The following MED28 variants were observed in gnomAD, a reference collection of about 807,000 sequenced individuals.
The protein encoded by MED28 is mediator of RNA polymerase II transcription subunit 28.
MED28 carries 26 observed loss-of-function variants against 21.3 expected under a neutral mutation model. The ratio of observed to expected loss-of-function variants is 1.22; its 90% confidence interval spans 0.89 to 1.69. The LOEUF (loss-of-function observed/expected upper bound fraction) is 1.69, where lower values mean the gene tolerates loss of function less well. Ranked by LOEUF, MED28 falls within the 40% of genes most tolerant of loss-of-function variation. The pLI, the probability that MED28 is intolerant of heterozygous loss-of-function variation, is 0.00. For missense variants in MED28, 257 were observed against 215.4 expected, an observed-to-expected ratio of 1.19 and a Z score of -1.21; for synonymous variants, 110 against 87.6, an observed-to-expected ratio of 1.26 and a Z score of -1.43.
rs1714694828 is a variant in MED28 at position 17,623,629 on chromosome 4, A to G, written c.368A>G (p.Gln123Arg). 1 of 1,614,198 alleles carries G rather than the reference A, an allele frequency of 6.2e-7. No homozygotes were observed. The highest frequency in any genetic ancestry group is 2.2e-5 in the East Asian group (1 of 44,884). ...GTGTCAGAACTAAGGAATGAATTAC[A>G]GCGGAAAGATGCACTAGTCCAGAAG... The part of the protein sequence containing the change: ...EDVSELRNEL[Q>R]RKDALVQKHL... The change falls in exon 4 of 4, where the codon CAG becomes CGG. Residue 123 changes from glutamine to arginine, a missense_variant. Transcript: ENST00000237380.
chr4:17,622,292 C>G (rs1480450673), intron 3 of MED28, among the ~76,000 whole-genome samples: 1 of 152,176 alleles, frequency 6.6e-6, no homozygotes, highest in African/African-American at 2.4e-5. Context: ...GCAATGCCCT[C>G]AGTGAGAAAC....
Position 17,632,471 on chromosome 4 carries a change from A to G in MED28, c.*8673A>G, listed in dbSNP as rs976140750. 7.7e-5 allele frequency: 104 copies of G among 1,350,996 alleles called. No individual in the cohort carries two copies. The African/African-American group carries it at 1.1e-3, about 14-fold the overall frequency. The allele number at this position is 1,350,996 out of a possible 1,614,324, so 83.7% of individuals were successfully genotyped here. A position where few individuals can be genotyped will look rare whatever the true frequency, so the allele number is the denominator to read the frequency against. Reference sequence around the variant, plus strand: ...TGGTTGGTGTTAGTTCATTCCTTCAATCGGATGATTTAAAATAAATGTTTT... The same window carrying G: ...TGGTTGGTGTTAGTTCATTCCTTCAGTCGGATGATTTAAAATAAATGTTTT... On this transcript the variant is annotated 3_prime_UTR_variant, in exon 4 of 4. Coordinates refer to ENST00000237380, the MANE Select transcript of MED28 (RefSeq NM_025205.5).
intron 2 of MED28, among the ~76,000 whole-genome samples, chr4:17,621,335 T>C (rs1272924757): frequency 6.6e-6 from 1 of 152,100 alleles, no homozygotes; most frequent in Non-Finnish European, 1.5e-5. Context: ...AAAGAAGATC[T>C]CATGGCTTTT....
At position 17,624,183 on chromosome 4, in the gene MED28, A is replaced by G. The variant is rs973048124; in HGVS notation, c.*385A>G. 1 of 221,752 alleles carries G rather than the reference A, an allele frequency of 4.5e-6. No individual in the cohort carries two copies. The highest frequency in any genetic ancestry group is 2.3e-5 in the African/African-American group (1 of 43,698). The allele number at this position is 221,752 out of a possible 1,614,324, so 13.7% of individuals were successfully genotyped here. A position where few individuals can be genotyped will look rare whatever the true frequency, so the allele number is the denominator to read the frequency against. On this transcript the variant is annotated 3_prime_UTR_variant, in exon 4 of 4. Coordinates refer to ENST00000237380, the MANE Select transcript of MED28 (RefSeq NM_025205.5). ...AGTATAGTAGCCTGAGAATCAGGAG[A>G]TGGGAGTTTTAGTCGTAGGCCTTAT...
intron 1 of MED28, among the ~76,000 whole-genome samples, chr4:17,618,362 C>T (rs990808444): frequency 3.3e-5 from 5 of 152,072 alleles, no homozygotes; most frequent in Admixed American, 1.3e-4. Flanking sequence ...ATGAGATTTC[C>T]TGCCACCCTG....
rs1560155483 is a variant in MED28 at position 17,614,678 on chromosome 4, G to GT, written c.28dup (p.Ser10PhefsTer29). On this transcript the variant is annotated frameshift_variant, in exon 1 of 4. Transcript: ENST00000237380. LOFTEE classifies it high-confidence loss of function. ...ACATGGCGGCTCCACTAGGGGGTAT[G>GT]TTTTCTGGGCAGCCACCCGGTCCCC... 1 of 1,613,088 alleles carries GT rather than the reference G, an allele frequency of 6.2e-7. No homozygotes were observed. Among genetic ancestry groups the GT allele is most frequent in the Non-Finnish European group, 8.5e-7 (1 of 1,179,790 alleles).
rs189809580 is a variant in MED28 at position 17,632,650 on chromosome 4, A to G, written c.*8852A>G. ...CCTAAAAGCAAAAAAAGGTTTTTTT[A>G]TATGGTTTTGAAAACTATGCAAGAA... On this transcript the variant is annotated 3_prime_UTR_variant, in exon 4 of 4. Coordinates refer to ENST00000237380, the MANE Select transcript of MED28 (RefSeq NM_025205.5). 1.7e-4 allele frequency: 252 copies of G among 1,480,396 alleles called. 4 individuals carry two copies. In the Middle Eastern group the frequency reaches 2.1e-3, roughly 12 times the overall value. The allele number at this position is 1,480,396 out of a possible 1,614,324, so 91.7% of individuals were successfully genotyped here.
In MED28 at chr4:17,632,376, A is replaced by G. The variant is rs1714978714; in HGVS notation, c.*8578A>G. On this transcript the variant is annotated 3_prime_UTR_variant, in exon 4 of 4. Coordinates refer to ENST00000237380, the MANE Select transcript of MED28 (RefSeq NM_025205.5). Reference sequence around the variant, plus strand: ...AGGCGTGAGCTGCTGTGCCTGGCAGAACAGTATGAAGTGTTAACGCCAAAA... The same window carrying G: ...AGGCGTGAGCTGCTGTGCCTGGCAGGACAGTATGAAGTGTTAACGCCAAAA... 1.8e-6 allele frequency: 1 copy of G among 548,986 alleles called. No homozygotes were observed. The highest frequency in any genetic ancestry group is 2.2e-5 in the South Asian group (1 of 44,512). The allele number at this position is 548,986 out of a possible 1,614,324, so 34.0% of individuals were successfully genotyped here. A position where few individuals can be genotyped will look rare whatever the true frequency, so the allele number is the denominator to read the frequency against.
chr4:17,628,280 G>GTGTGTGTGTGTGTGTGTA lies in MED28; in HGVS notation c.*4493_*4494insGTGTGTATGTGTGTGTGT, dbSNP rs1410894997. ...CGTGTGTGTGTGTGTGTGTGTGTGT[G>GTGTGTGTGTGTGTGTGTA]TGTGTGTGTGTATGTGTATATGCGT... On this transcript the variant is annotated 3_prime_UTR_variant, in exon 4 of 4. Transcript: ENST00000237380. The GTGTGTGTGTGTGTGTGTA allele has an allele frequency of 2.6e-5, 4 of 151,350 alleles. No homozygotes were observed. The highest frequency in any genetic ancestry group is 9.8e-5 in the African/African-American group (4 of 40,686). The allele number at this position is 151,350 out of a possible 1,614,324, so 9.4% of individuals were successfully genotyped here. A position where few individuals can be genotyped will look rare whatever the true frequency, so the allele number is the denominator to read the frequency against.
At position 17,624,413 on chromosome 4, in the gene MED28, A is replaced by G. The variant is rs1416834192; in HGVS notation, c.*615A>G. The G allele has an allele frequency of 6.6e-6, 1 of 152,104 alleles. No homozygotes were observed. Among genetic ancestry groups the G allele is most frequent in the Non-Finnish European group, 1.5e-5 (1 of 68,242 alleles). 9.4% of individuals were successfully genotyped at this position (152,104 alleles called of 1,614,324 possible). A position where few individuals can be genotyped will look rare whatever the true frequency, so the allele number is the denominator to read the frequency against. ...ATCTTACAGTAGGATCCTTAGGTTGATGCTGACTTCTGTTTGGGGTATGTT... is the reference window on the plus strand; with the variant it reads ...ATCTTACAGTAGGATCCTTAGGTTGGTGCTGACTTCTGTTTGGGGTATGTT... On this transcript the variant is annotated 3_prime_UTR_variant, in exon 4 of 4. Coordinates refer to ENST00000237380, the MANE Select transcript of MED28 (RefSeq NM_025205.5).
chr4:17,615,625 C>T (rs904989731), intron 1 of MED28, among the ~76,000 whole-genome samples: 1 of 152,104 alleles, frequency 6.6e-6, no homozygotes, highest in Non-Finnish European at 1.5e-5. Flanking sequence ...GCCTGACCAA[C>T]ATGGTGAAAC....
At position 17,633,533 on chromosome 4, in the gene MED28, C is replaced by G; in HGVS notation, c.*9735C>G. 1 of 644,786 alleles carries G rather than the reference C, an allele frequency of 1.6e-6. No homozygotes were observed. Among genetic ancestry groups the G allele is most frequent in the Non-Finnish European group, 2.5e-6 (1 of 398,940 alleles). 39.9% of individuals were successfully genotyped at this position (644,786 alleles called of 1,614,324 possible). ...GAGTCCACCTTTTGTATAACCCATG[C>G]TGAAGTTTTCAGGTAAGTGATTCAG... On this transcript the variant is annotated 3_prime_UTR_variant, in exon 4 of 4. Coordinates refer to ENST00000237380, the MANE Select transcript of MED28 (RefSeq NM_025205.5).
rs1043861595 is a variant in MED28 at position 17,624,062 on chromosome 4, C to G, written c.*264C>G. 1.6e-4 allele frequency: 68 copies of G among 435,062 alleles called. No individual in the cohort carries two copies. The highest frequency in any genetic ancestry group is 6.3e-4 in the Middle Eastern group (1 of 1,582). 27.0% of individuals were successfully genotyped at this position (435,062 alleles called of 1,614,324 possible). On this transcript the variant is annotated 3_prime_UTR_variant, in exon 4 of 4. Transcript: ENST00000237380. ...AGTTTAGACTGTGAATATGATGACA[C>G]AGATTCTTTTTTATGGTGGCTTTGC...
intron 1 of MED28, 108 bp downstream of exon 1, chr4:17,614,921 G>T: frequency 7.5e-7 from 1 of 1,325,412 alleles, no homozygotes; most frequent in Non-Finnish European, 1.0e-6. Flanking sequence ...ATTCACAAAT[G>T]GGGAAACTGA....
chr4:17,618,642 G>A (rs1391272857), intron 1 of MED28, among the ~76,000 whole-genome samples: 2 of 152,042 alleles, frequency 1.3e-5, no homozygotes, highest in African/African-American at 2.4e-5. Context: ...TCAGCCTCCC[G>A]AGTAGCTGGG....
In MED28 at chr4:17,628,280, G is replaced by GTGTGTGTGTGTGTGTGTGTGTA. The variant is rs1410894997; in HGVS notation, c.*4493_*4494insGTGTGTGTGTATGTGTGTGTGT. 1.5e-4 allele frequency: 23 copies of GTGTGTGTGTGTGTGTGTGTGTA among 151,442 alleles called. No homozygotes were observed. The highest frequency in any genetic ancestry group is 5.6e-4 in the African/African-American group (23 of 40,786). 9.4% of individuals were successfully genotyped at this position (151,442 alleles called of 1,614,324 possible). On this transcript the variant is annotated 3_prime_UTR_variant, in exon 4 of 4. Transcript: ENST00000237380. ...CGTGTGTGTGTGTGTGTGTGTGTGT[G>GTGTGTGTGTGTGTGTGTGTGTA]TGTGTGTGTGTATGTGTATATGCGT...
Position 17,633,837 on chromosome 4 carries a change from C to G in MED28, c.*10039C>G. ...CTCAGAAAGTTCTTTGCATAGGAGG[C>G]GAGGTTCGGCACGCTGACCACGCGG... On this transcript the variant is annotated 3_prime_UTR_variant, in exon 4 of 4. Transcript: ENST00000237380. 1 of 1,551,230 alleles carries G rather than the reference C, an allele frequency of 6.4e-7. No homozygotes were observed. The highest frequency in any genetic ancestry group is 8.7e-7 in the Non-Finnish European group (1 of 1,146,842).
At chr4:17,618,716 C>T (rs1358213195) in intron 1 of MED28, among the ~76,000 whole-genome samples, 2 of 148,512 alleles carry the variant, frequency 1.3e-5, no homozygotes, top group African/African-American at 5.0e-5. Context: ...TGGGGCTTCA[C>T]CGTGTTAGTT....
intron 1 of MED28, among the ~76,000 whole-genome samples, chr4:17,619,269 C>T (rs973177814): frequency 6.6e-6 from 1 of 152,292 alleles, no homozygotes; most frequent in African/African-American, 2.4e-5. Flanking sequence ...TGATACCAAC[C>T]TTGTCCTCTT....
Sources: allele counts gnomAD v4.1 joint callset (sites outside exome capture counted in the v4.1 genomes callset), GRCh38; gene constraint gnomAD v4.1.1; transcripts MANE v1.5; gene names NCBI Gene and HGNC (gene_info 2026-07-23, HGNC 2026-07-21).